Variants in MYO10 observed in about 807,000 individuals in gnomAD.
The protein encoded by MYO10 is myosin X.
In MYO10, 133 loss-of-function variants were observed where a neutral mutation model predicts 257.3. The observed-to-expected ratio is 0.52, with a 90% CI of 0.45 to 0.60. The LOEUF is 0.60. Among genes scored for constraint, MYO10 ranks in the 20% least tolerant of loss-of-function variants. MYO10 has a pLI of 0.00. For missense variants in MYO10, 2,399 were observed against 2,635.7 expected (o/e 0.91, Z 1.97); for synonymous variants, 1,104 against 1,028.6 (o/e 1.07, Z -1.40).
chr5:16,889,529 A>AGGAAGGGC (rs1321718484), intron 1 of MYO10, among the ~76,000 whole-genome samples: 1 of 144,898 alleles, frequency 6.9e-6, no homozygotes, highest in African/African-American at 2.7e-5. Flanking sequence ...GAAGGAAGGA[A>AGGAAGGGC]GGAAGGGCGG....
chr5:16,787,095 G>T (rs1434703142), intron 4 of MYO10, among the ~76,000 whole-genome samples: 4 of 152,158 alleles, frequency 2.6e-5, no homozygotes, highest in African/African-American at 9.7e-5. Context: ...CTTGAATCCG[G>T]GAGGCGGAGG....
intron 19 of MYO10, among the ~76,000 whole-genome samples, chr5:16,725,285 G>A (rs994741705): frequency 2.2e-4 from 33 of 151,828 alleles, no homozygotes; most frequent in Admixed American, 1.1e-3. Flanking sequence ...TAGTAGAGAC[G>A]GGGTTTCACC....
At chr5:16,685,688 C>CAAACCA in intron 29 of MYO10, 50 bp downstream of exon 29, 1 of 1,281,516 alleles carries the variant, frequency 7.8e-7, no homozygotes, top group Non-Finnish European at 1.1e-6. Flanking sequence ...ACGCCCTCCC[C>CAAACCA]GTCCCTGCCC....
At chr5:16,702,296 G>C (rs1260746042) in intron 24 of MYO10, among the ~76,000 whole-genome samples, 1 of 152,214 alleles carries the variant, frequency 6.6e-6, no homozygotes, top group African/African-American at 2.4e-5. Flanking sequence ...GGTGGGCCTA[G>C]CAAACTAACA....
intron 3 of MYO10, among the ~76,000 whole-genome samples, chr5:16,805,125 A>G (rs1742233590): frequency 6.6e-6 from 1 of 152,156 alleles, no homozygotes; most frequent in Non-Finnish European, 1.5e-5. Context: ...AGGTGGGGAA[A>G]GAGCTAGCTT....
chr5:16,801,709 T>C (rs1742126040), intron 3 of MYO10, among the ~76,000 whole-genome samples: 1 of 152,228 alleles, frequency 6.6e-6, no homozygotes, highest in Non-Finnish European at 1.5e-5. Context: ...CATATGTTCA[T>C]AACATGTCCG....
chr5:16,829,216 A>G (rs1206145768), intron 2 of MYO10, among the ~76,000 whole-genome samples: 1 of 152,146 alleles, frequency 6.6e-6, no homozygotes, highest in Non-Finnish European at 1.5e-5. Context: ...GCAGGGGCTG[A>G]CTTGGGAAGG....
At position 16,759,683 on chromosome 5, in the gene MYO10, C is replaced by T. The variant is rs770268900; in HGVS notation, c.1740-1457G>A. Among the ~76,000 whole-genome samples the T allele has an allele frequency of 2.6e-5, 4 of 152,164 alleles. No individual in the cohort carries two copies. In the East Asian group the frequency reaches 5.8e-4, roughly 22 times the overall value. On this transcript the variant is annotated intron_variant, in intron 17 of 40. Transcript: ENST00000513610. The stretch of plus-strand genomic sequence containing the variant: ...CTCCAGGCCTGCAATCTTTTCACTA[C>T]GACAAACTGCCTCTACTTAACATCA...
chr5:16,903,774 C>A (rs1745448701), intron 1 of MYO10, among the ~76,000 whole-genome samples: 1 of 152,022 alleles, frequency 6.6e-6, no homozygotes, highest in African/African-American at 2.4e-5. Flanking sequence ...CAGAAAGTGG[C>A]CATAATAAAG....
At chr5:16,884,453 ATATGGCT>A (rs1744840072) in intron 1 of MYO10, among the ~76,000 whole-genome samples, 1 of 152,232 alleles carries the variant, frequency 6.6e-6, no homozygotes, top group Admixed American at 6.5e-5. Flanking sequence ...AGATAAATTA[ATATGGCT>A]ATTTAAATCT....
At chr5:16,902,233 A>C in intron 1 of MYO10, 1 of 707,890 alleles carries the variant, frequency 1.4e-6, no homozygotes, top group Admixed American at 2.1e-5. Context: ...TTTAAAGTAC[A>C]ATTTCCATTT....
chr5:16,897,388 T>G (rs1371940707), intron 1 of MYO10, among the ~76,000 whole-genome samples: 1 of 150,842 alleles, frequency 6.6e-6, no homozygotes, highest in Admixed American at 6.6e-5. Context: ...TACCACAGCA[T>G]CCTAGTCCAA....
At chr5:16,869,552 G>C (rs1352424964) in intron 2 of MYO10, among the ~76,000 whole-genome samples, 2 of 152,016 alleles carry the variant, frequency 1.3e-5, no homozygotes, top group African/African-American at 2.4e-5. Context: ...CTAGATGACA[G>C]AGCAAGACCC....
At chr5:16,916,075 G>A (rs569880214) in intron 1 of MYO10, 164 of 455,930 alleles carry the variant, frequency 3.6e-4, no homozygotes, top group Non-Finnish European at 6.3e-4. Context: ...GCTTGGTCCC[G>A]AGTGTTAAGC....
In MYO10 at chr5:16,666,488, A is replaced by G. The variant is rs1223030266; in HGVS notation, c.*204T>C. On this transcript the variant is annotated 3_prime_UTR_variant, in exon 41 of 41. Coordinates refer to ENST00000513610, the MANE Select transcript of MYO10 (RefSeq NM_012334.3). ...AGTAGTAAAGCTTTGGAAACTGTGCAGACTGTTAAAGTTGACAGCTTAATA... is the reference window on the plus strand; with the variant it reads ...AGTAGTAAAGCTTTGGAAACTGTGCGGACTGTTAAAGTTGACAGCTTAATA... The G allele has an allele frequency of 7.5e-6, 4 of 536,122 alleles. No individual in the cohort carries two copies. Among genetic ancestry groups the G allele is most frequent in the Non-Finnish European group, 1.3e-5 (4 of 302,632 alleles). The allele number at this position is 536,122 out of a possible 1,614,324, so 33.2% of individuals were successfully genotyped here.
At chr5:16,803,629 A>G (rs1439474912) in intron 3 of MYO10, among the ~76,000 whole-genome samples, 1 of 152,206 alleles carries the variant, frequency 6.6e-6, no homozygotes, top group African/African-American at 2.4e-5. Context: ...GAACTCCCAC[A>G]AACCAACAGG....
At chr5:16,770,954 T>C (rs1295553812) in intron 9 of MYO10, among the ~76,000 whole-genome samples, 1 of 152,078 alleles carries the variant, frequency 6.6e-6, no homozygotes, top group African/African-American at 2.4e-5. Flanking sequence ...TTTCAGTAGA[T>C]ACGAGGTTTC....
chr5:16,754,334 C>T (rs1319067830), intron 19 of MYO10, among the ~76,000 whole-genome samples: 1 of 151,916 alleles, frequency 6.6e-6, no homozygotes, highest in Non-Finnish European at 1.5e-5. Flanking sequence ...TTATGACAAC[C>T]TTTAGAGTGC....
chr5:16,668,438 A>G lies in MYO10; in HGVS notation c.5914T>C (p.Trp1972Arg). The G allele has an allele frequency of 2.5e-6, 4 of 1,611,510 alleles. No individual in the cohort carries two copies. The highest frequency in any genetic ancestry group is 2.2e-5 in the South Asian group (2 of 90,560). Residue 1972 changes from tryptophan (W) to arginine (R), a missense_variant, in exon 40 of 41, where the codon TGG (tryptophan) becomes CGG (arginine). Trp to Arg is a moderately radical substitution (Grantham distance 101). Coordinates refer to ENST00000513610, the MANE Select transcript of MYO10 (RefSeq NM_012334.3). ...ACGGCGTCCGCGCTGACACCCAACC[A>G]GAGTTCCTGAGGGAAGCCACCTTCC... is the stretch of plus-strand genomic sequence containing the variant. ...CKEGGFPQEL[W>R]LGVSADAVSV... is the part of the protein sequence containing the mutation.
Sources: gnomAD v4.1 joint callset for allele counts (sites outside exome capture counted in the v4.1 genomes callset) on GRCh38, gnomAD v4.1.1 for gene constraint, MANE v1.5 for transcripts, NCBI Gene and HGNC (gene_info 2026-07-23, HGNC 2026-07-21) for gene names.